The following CTNND2 variants were observed in gnomAD, a reference collection of about 807,000 sequenced individuals.
CTNND2 encodes catenin delta 2.
A neutral mutation model predicts 144.4 loss-of-function variants in CTNND2; 22 were observed. That is an observed-to-expected ratio of 0.15 (90% CI 0.11 to 0.22). The LOEUF (loss-of-function observed/expected upper bound fraction) is 0.22. CTNND2 is among the 10% of genes least tolerant of loss of function. The pLI is 1.00. For synonymous variants in CTNND2, 751 were observed against 695.6 expected (o/e 1.08, Z -1.25); for missense variants, 1,353 against 1,618.8 (o/e 0.84, Z 2.82).
At chr5:11,685,206 A>T (rs1356217946) in intron 2 of CTNND2, among the ~76,000 whole-genome samples, 1 of 152,184 alleles carries the variant, frequency 6.6e-6, no homozygotes, top group African/African-American at 2.4e-5. Context: ...ACAAGTTCAC[A>T]TGAGGGGCAG....
At chr5:11,161,644 A>G (rs2149771077) in intron 11 of CTNND2, among the ~76,000 whole-genome samples, 1 of 152,326 alleles carries the variant, frequency 6.6e-6, no homozygotes, top group South Asian at 2.1e-4. Context: ...AGAAATTAGT[A>G]TCTACCCCAG....
At chr5:11,579,701 A>T (rs1778264617) in intron 2 of CTNND2, among the ~76,000 whole-genome samples, 1 of 152,228 alleles carries the variant, frequency 6.6e-6, no homozygotes, top group South Asian at 2.1e-4. Context: ...ACATGAATTC[A>T]TGTACAAAGT....
intron 1 of CTNND2, among the ~76,000 whole-genome samples, chr5:11,886,514 T>G (rs1171672456): frequency 6.6e-6 from 1 of 152,190 alleles, no homozygotes; most frequent in Non-Finnish European, 1.5e-5. Context: ...CAATTTGGTT[T>G]TCTGAAAAAC....
chr5:11,581,874 G>T (rs116009472), intron 2 of CTNND2, among the ~76,000 whole-genome samples: 1 of 152,100 alleles, frequency 6.6e-6, no homozygotes, highest in Non-Finnish European at 1.5e-5. Context: ...GGGAAGGGAC[G>T]GTTTGAACTT....
Position 11,382,595 on chromosome 5 carries a change from C to CTGTGTATATGTGTG in CTNND2, c.1177+2069_1177+2070insCACACATATACACA, listed in dbSNP as rs755324887. 8.0e-4 allele frequency among the ~76,000 whole-genome samples: 104 copies of CTGTGTATATGTGTG among 130,230 alleles called. 3 individuals carry two copies. Among genetic ancestry groups the CTGTGTATATGTGTG allele is most frequent in the South Asian group, 3.1e-3 (12 of 3,928 alleles). 85.4% of individuals were successfully genotyped at this position (130,230 alleles called of 152,430 possible). A position where few individuals can be genotyped will look rare whatever the true frequency, so the allele number is the denominator to read the frequency against. Reference sequence around the variant, plus strand: ...CCTGGGCAACCGACAGAGTGAGACTCTGTGTGTGTGTGTGTGTGTGTGTGT... The same window carrying CTGTGTATATGTGTG: ...CCTGGGCAACCGACAGAGTGAGACTCTGTGTATATGTGTGTGTGTGTGTGTGTGTGTGTGTGTGT... On this transcript the variant is annotated intron_variant, in intron 7 of 21. Transcript: ENST00000304623.
intron 2 of CTNND2, among the ~76,000 whole-genome samples, chr5:11,614,432 A>G (rs1780482242): frequency 6.6e-6 from 1 of 152,218 alleles, no homozygotes; most frequent in Non-Finnish European, 1.5e-5. Context: ...AAAAATGTGA[A>G]TCTACAGAAT....
intron 9 of CTNND2, among the ~76,000 whole-genome samples, chr5:11,301,081 A>G (rs1022335268): frequency 2.0e-5 from 3 of 152,114 alleles, no homozygotes; most frequent in Non-Finnish European, 4.4e-5. Context: ...CAGTGGCCCT[A>G]TCTCGGCTCA....
Position 11,414,633 on chromosome 5 carries a change from C to T in CTNND2, c.288-2564G>A, listed in dbSNP as rs141763519. Among the ~76,000 whole-genome samples the T allele has an allele frequency of 2.9e-3, 445 of 152,216 alleles. 2 individuals carry two copies. Among genetic ancestry groups the T allele is most frequent in the African/African-American group, 9.2e-3 (383 of 41,534 alleles). ...TAAACCTTTATTTCCGGGATCCATG[C>T]GAAGGTTTGTTACACAGGTAAACTC... On this transcript the variant is annotated intron_variant, in intron 3 of 21. Coordinates refer to ENST00000304623, the MANE Select transcript of CTNND2 (RefSeq NM_001332.4).
intron 1 of CTNND2, among the ~76,000 whole-genome samples, chr5:11,890,023 C>A (rs1344553461): frequency 6.6e-6 from 1 of 152,134 alleles, no homozygotes; most frequent in Non-Finnish European, 1.5e-5. Context: ...GAAAATAAAT[C>A]TACTTTCATA....
intron 1 of CTNND2, among the ~76,000 whole-genome samples, chr5:11,748,124 T>G (rs561562993): frequency 6.4e-4 from 98 of 152,240 alleles, no homozygotes; most frequent in African/African-American, 2.3e-3. Context: ...TTTCAACTAC[T>G]CTTATACAAC....
Position 11,382,649 on chromosome 5 carries a change from AATG to A in CTNND2, c.1177+2013_1177+2015del, listed in dbSNP as rs1224410809. On this transcript the variant is annotated intron_variant, in intron 7 of 21. Coordinates refer to ENST00000304623, the MANE Select transcript of CTNND2 (RefSeq NM_001332.4). ...TGTGTGTGTGTGTGTGTGTGTGTAG[AATG>A]ATGAATTAGTGAAAGTCACTACATA... Among the ~76,000 whole-genome samples, 62 of 137,228 alleles carry A rather than the reference AATG, an allele frequency of 4.5e-4. No individual in the cohort carries two copies. In the South Asian group the frequency reaches 7.0e-3, roughly 16 times the overall value. 90.0% of individuals were successfully genotyped at this position (137,228 alleles called of 152,430 possible). A position where few individuals can be genotyped will look rare whatever the true frequency, so the allele number is the denominator to read the frequency against.
intron 12 of CTNND2, among the ~76,000 whole-genome samples, chr5:11,147,028 A>G (rs976115104): frequency 6.6e-6 from 1 of 152,208 alleles, no homozygotes; most frequent in Non-Finnish European, 1.5e-5. Flanking sequence ...CACAGCAGAA[A>G]AAGAAGGGCC....
At chr5:11,375,651 T>A (rs1161739340) in intron 7 of CTNND2, among the ~76,000 whole-genome samples, 5 of 152,218 alleles carry the variant, frequency 3.3e-5, no homozygotes, top group African/African-American at 4.8e-5. Context: ...AATACAAAAT[T>A]GATGAAACCA....
chr5:11,290,898 C>G (rs1748270454), intron 9 of CTNND2, among the ~76,000 whole-genome samples: 1 of 152,166 alleles, frequency 6.6e-6, no homozygotes, highest in Non-Finnish European at 1.5e-5. Flanking sequence ...GGGACACGTG[C>G]TGGCAGCTGG....
At position 11,358,832 on chromosome 5, in the gene CTNND2, T is replaced by C. The variant is rs1756163143; in HGVS notation, c.1372+5864A>G. ...GCAGTACTTGTCATCTTCATGAAGATATTTAGCAAGTTTGCTCCTTGCAAC... is the reference window on the plus strand; with the variant it reads ...GCAGTACTTGTCATCTTCATGAAGACATTTAGCAAGTTTGCTCCTTGCAAC... On this transcript the variant is annotated intron_variant, in intron 8 of 21. Transcript: ENST00000304623. 3.3e-5 allele frequency among the ~76,000 whole-genome samples: 5 copies of C among 152,240 alleles called. No individual in the cohort carries two copies. The South Asian group carries it at 1.0e-3, about 32-fold the overall frequency.
At chr5:11,515,050 C>T (rs1772031151) in intron 3 of CTNND2, among the ~76,000 whole-genome samples, 1 of 146,780 alleles carries the variant, frequency 6.8e-6, no homozygotes, top group Admixed American at 6.8e-5. Context: ...GAAATGGAAT[C>T]AATCAAATTT....
At chr5:11,029,389 T>C (rs1273950595) in intron 16 of CTNND2, among the ~76,000 whole-genome samples, 1 of 152,230 alleles carries the variant, frequency 6.6e-6, no homozygotes, top group Non-Finnish European at 1.5e-5. Flanking sequence ...ATCTCCTTTG[T>C]GTTGATTGTT....
chr5:11,617,504 A>T (rs544147807), intron 2 of CTNND2, among the ~76,000 whole-genome samples: 1 of 152,364 alleles, frequency 6.6e-6, no homozygotes, highest in Admixed American at 6.5e-5. Flanking sequence ...AGGTACACAC[A>T]TTAGAAGTTT....
chr5:11,662,540 TGATAAAATGGTGTCCACCCA>T (rs1783328332), intron 2 of CTNND2, among the ~76,000 whole-genome samples: 1 of 152,092 alleles, frequency 6.6e-6, no homozygotes, highest in Admixed American at 6.6e-5. Flanking sequence ...TGTTGGCAGC[TGATAAAATGGTGTCCACCCA>T]GATTAAGGGT....
Sources: gnomAD v4.1 joint callset for allele counts (sites outside exome capture counted in the v4.1 genomes callset) on GRCh38, gnomAD v4.1.1 for gene constraint, MANE v1.5 for transcripts, NCBI Gene and HGNC (gene_info 2026-07-23, HGNC 2026-07-21) for gene names.